RANBP2: variants seen among roughly 807,000 people sequenced by gnomAD.
RANBP2 encodes E3 SUMO-protein ligase RanBP2.
In RANBP2, 57 loss-of-function variants were observed where a neutral mutation model predicts 303.6. That is an observed-to-expected ratio of 0.19 (90% CI 0.15 to 0.23). The LOEUF is 0.23. Among genes scored for constraint, RANBP2 ranks in the 10% least tolerant of loss-of-function variants. The pLI is 1.00. For missense variants in RANBP2, 3,138 were observed against 3,780.8 expected, an observed-to-expected ratio of 0.83 and a Z score of 4.46; for synonymous variants, 1,167 against 1,301.5, an observed-to-expected ratio of 0.90 and a Z score of 2.23.
chr2:108,969,530 C>T, the RANBP2 span, among the ~76,000 whole-genome samples: 2 of 152,222 alleles, frequency 1.3e-5, no homozygotes, highest in African/African-American at 2.4e-5. Context: ...TGAAGCAGAC[C>T]TTTATATGCT....
chr2:108,949,578 A>G, the RANBP2 span, among the ~76,000 whole-genome samples: 1 of 152,212 alleles, frequency 6.6e-6, no homozygotes, highest in African/African-American at 2.4e-5. Context: ...TAATTGCATC[A>G]TAAAATCTTT....
At chr2:109,584,121 T>G in the RANBP2 span, among the ~76,000 whole-genome samples, 1 of 152,032 alleles carries the variant, frequency 6.6e-6, no homozygotes, top group Non-Finnish European at 1.5e-5. Context: ...AACCTGCAAA[T>G]GTACCCCAAA....
At chr2:109,059,461 G>A in the RANBP2 span, among the ~76,000 whole-genome samples, 1 of 151,944 alleles carries the variant, frequency 6.6e-6, no homozygotes, top group Non-Finnish European at 1.5e-5. Flanking sequence ...TGTAGTCCCA[G>A]CTACTCAGGA....
At chr2:109,250,976 T>G in the RANBP2 span, among the ~76,000 whole-genome samples, 1 of 149,834 alleles carries the variant, frequency 6.7e-6, no homozygotes, top group African/African-American at 2.5e-5. Flanking sequence ...TCTGTATAGC[T>G]TTTTTTTTCA....
chr2:108,728,922 G>T (rs958070740), intron 1 of RANBP2, among the ~76,000 whole-genome samples: 5 of 152,172 alleles, frequency 3.3e-5, no homozygotes, highest in Non-Finnish European at 7.3e-5. Context: ...GGGATTACAG[G>T]CATGAGCCGC....
chr2:109,645,556 T>C, the RANBP2 span, among the ~76,000 whole-genome samples: 2 of 152,212 alleles, frequency 1.3e-5, no homozygotes, highest in Non-Finnish European at 2.9e-5. Context: ...CAAGCCTGGC[T>C]GTACCTGCAA....
At chr2:109,457,973 C>T in the RANBP2 span, among the ~76,000 whole-genome samples, 19 of 152,260 alleles carry the variant, frequency 1.2e-4, no homozygotes, top group African/African-American at 4.1e-4. Flanking sequence ...AGGGAAATGT[C>T]GAGAAAGAAC....
At chr2:109,661,535 C>T in the RANBP2 span, among the ~76,000 whole-genome samples, 10 of 152,176 alleles carry the variant, frequency 6.6e-5, no homozygotes, top group East Asian at 1.7e-3. Flanking sequence ...CATGAGTCAC[C>T]GTGCCTGGCC....
At chr2:109,030,332 G>A in the RANBP2 span, among the ~76,000 whole-genome samples, 1 of 152,136 alleles carries the variant, frequency 6.6e-6, no homozygotes, top group Non-Finnish European at 1.5e-5. Context: ...GGTATGCTAC[G>A]TAAAATTCCT....
chr2:108,788,796 G>C (rs1163718225), downstream of RANBP2: 8 of 1,607,278 alleles, frequency 5.0e-6, no homozygotes, highest in African/African-American at 8.0e-5. Flanking sequence ...GCCAGTGCCA[G>C]ATATTTTGTG....
the RANBP2 span, among the ~76,000 whole-genome samples, chr2:109,303,672 G>T: frequency 6.6e-6 from 1 of 152,272 alleles, no homozygotes; most frequent in African/African-American, 2.4e-5. Flanking sequence ...GCCCACATTC[G>T]GGTTTTGTTT....
chr2:108,719,500 C>T lies in RANBP2; in HGVS notation c.-107C>T. 1.3e-6 allele frequency: 2 copies of T among 1,521,718 alleles called. No individual in the cohort carries two copies. Among genetic ancestry groups the T allele is most frequent in the Admixed American group, 2.0e-5 (1 of 49,152 alleles). The allele number at this position is 1,521,718 out of a possible 1,614,324, so 94.3% of individuals were successfully genotyped here. On this transcript the variant is annotated 5_prime_UTR_variant, in exon 1 of 29. Coordinates refer to ENST00000283195, the MANE Select transcript of RANBP2 (RefSeq NM_006267.5). ...GTTCGTCACAGTGGTCCTCCGCCGGCTACGGCGCTGCGTCACTGGTTTGCA... is the reference window on the plus strand; with the variant it reads ...GTTCGTCACAGTGGTCCTCCGCCGGTTACGGCGCTGCGTCACTGGTTTGCA...
the RANBP2 span, among the ~76,000 whole-genome samples, chr2:109,030,981 G>C: frequency 6.6e-6 from 1 of 152,138 alleles, no homozygotes; most frequent in Non-Finnish European, 1.5e-5. Context: ...CTAACACAGT[G>C]TGCATGTATA....
chr2:109,667,362 C>A, the RANBP2 span: 1 of 490,156 alleles, frequency 2.0e-6, no homozygotes, highest in East Asian at 4.1e-5. Context: ...CTTTGCATTT[C>A]TACTGTAACT....
chr2:109,494,838 A>AGG, the RANBP2 span, among the ~76,000 whole-genome samples: 1 of 151,962 alleles, frequency 6.6e-6, no homozygotes, highest in Non-Finnish European at 1.5e-5. Flanking sequence ...CATCTCTTTC[A>AGG]AGACTCTGGA....
the RANBP2 span, among the ~76,000 whole-genome samples, chr2:109,348,458 G>A: frequency 6.6e-6 from 1 of 152,222 alleles, no homozygotes; most frequent in Non-Finnish European, 1.5e-5. Context: ...GGTGCGTAGG[G>A]ATCCCTGTGA....
At chr2:109,225,365 C>G in the RANBP2 span, among the ~76,000 whole-genome samples, 1 of 152,118 alleles carries the variant, frequency 6.6e-6, no homozygotes, top group African/African-American at 2.4e-5. Context: ...TGTGGGTTTC[C>G]GGGCTCCGCT....
At chr2:109,058,528 G>A in the RANBP2 span, among the ~76,000 whole-genome samples, 26 of 152,316 alleles carry the variant, frequency 1.7e-4, no homozygotes, top group East Asian at 4.8e-3. Flanking sequence ...TGAGGGATTT[G>A]CACAAATGTG....
At chr2:108,750,899 T>A (rs1371915392) in intron 9 of RANBP2, among the ~76,000 whole-genome samples, 2 of 152,232 alleles carry the variant, frequency 1.3e-5, no homozygotes. Context: ...TATAGTGGTG[T>A]TCCATTGCTT....
Sources: gnomAD v4.1 joint callset for allele counts (sites outside exome capture counted in the v4.1 genomes callset) on GRCh38, gnomAD v4.1.1 for gene constraint, MANE v1.5 for transcripts, NCBI Gene and HGNC (gene_info 2026-07-23, HGNC 2026-07-21) for gene names.